MTHFD2L: variants seen among roughly 807,000 people sequenced by gnomAD.
MTHFD2L encodes methylenetetrahydrofolate dehydrogenase (NADP+ dependent) 2 like.
Under a neutral mutation model 34.9 loss-of-function variants are expected in MTHFD2L, and 29 were observed. That is an observed-to-expected ratio of 0.83 (90% CI 0.62 to 1.13). The LOEUF is 1.13. Among genes scored for constraint, MTHFD2L ranks in the 50% most tolerant of loss-of-function variants. MTHFD2L has a pLI of 0.00. For synonymous variants in MTHFD2L, 167 were observed against 155.7 expected, an observed-to-expected ratio of 1.07 and a Z score of -0.54; for missense variants, 481 against 446.5, an observed-to-expected ratio of 1.08 and a Z score of -0.70.
At chr4:74,143,668 T>G (rs1485255926) in intron 1 of MTHFD2L, among the ~76,000 whole-genome samples, 2 of 152,156 alleles carry the variant, frequency 1.3e-5, no homozygotes, top group Non-Finnish European at 2.9e-5. Flanking sequence ...CATTTAAAAG[T>G]TATCATACTA....
intron 6 of MTHFD2L, among the ~76,000 whole-genome samples, chr4:74,226,027 A>T (rs1035836831): frequency 2.0e-5 from 3 of 152,280 alleles, no homozygotes; most frequent in Non-Finnish European, 2.9e-5. Flanking sequence ...AAAAAACCCA[A>T]GCCCAAACTT....
chr4:74,225,637 G>A (rs1215062726), intron 6 of MTHFD2L, among the ~76,000 whole-genome samples: 1 of 152,142 alleles, frequency 6.6e-6, no homozygotes, highest in Non-Finnish European at 1.5e-5. Context: ...AGAACAATGT[G>A]CACTTTGCTA....
chr4:74,184,273 T>A (rs1258302391), intron 3 of MTHFD2L, among the ~76,000 whole-genome samples: 1 of 152,312 alleles, frequency 6.6e-6, no homozygotes, highest in Admixed American at 6.5e-5. Context: ...TGTATGTTGC[T>A]TACATGAAAC....
intron 5 of MTHFD2L, among the ~76,000 whole-genome samples, chr4:74,221,988 C>T (rs1738278317): frequency 6.6e-6 from 1 of 151,738 alleles, no homozygotes; most frequent in African/African-American, 2.4e-5. Context: ...TGTCTCCGAC[C>T]TGCTATTTGC....
chr4:74,265,230 T>C (rs1042845446), intron 6 of MTHFD2L, among the ~76,000 whole-genome samples: 1 of 152,198 alleles, frequency 6.6e-6, no homozygotes, highest in African/African-American at 2.4e-5. Context: ...CATTTGTTTG[T>C]AATTCAACTG....
At chr4:74,288,508 T>C (rs1472620464) in intron 7 of MTHFD2L, 2 of 152,170 alleles carry the variant, frequency 1.3e-5, no homozygotes, top group Non-Finnish European at 2.9e-5. Flanking sequence ...TGAAGACTAA[T>C]CTCTTACTTA....
chr4:74,169,992 C>A (rs915584332), intron 1 of MTHFD2L, among the ~76,000 whole-genome samples: 10 of 152,130 alleles, frequency 6.6e-5, no homozygotes, highest in Non-Finnish European at 1.3e-4. Flanking sequence ...TAGGTTTAAA[C>A]CTTCCCAGAA....
At chr4:74,286,518 C>T (rs1433076537) in intron 7 of MTHFD2L, among the ~76,000 whole-genome samples, 1 of 152,108 alleles carries the variant, frequency 6.6e-6, no homozygotes, top group African/African-American at 2.4e-5. Flanking sequence ...GTAAATAACA[C>T]ATTGGAAAAC....
rs116254552 is a variant in MTHFD2L, at chr4:74,234,810, T to G, written c.805+9416T>G. On this transcript the variant is annotated intron_variant, in intron 6 of 7. Transcript: ENST00000325278. ...GAAAAGGAGACAGTGTGTGTGTGTG[T>G]GTGTGTGTGTTTACGTGTGTAAGAG... 7.6e-3 allele frequency among the ~76,000 whole-genome samples: 1,150 copies of G among 152,052 alleles called. 6 individuals are homozygous for G. The highest frequency in any genetic ancestry group is 0.012 in the Non-Finnish European group (827 of 67,942).
chr4:74,145,076 T>C (rs963326817), intron 1 of MTHFD2L, among the ~76,000 whole-genome samples: 1 of 152,008 alleles, frequency 6.6e-6, no homozygotes, highest in African/African-American at 2.4e-5. Context: ...CGATATAATC[T>C]TGAAATAGAG....
intron 1 of MTHFD2L, among the ~76,000 whole-genome samples, chr4:74,142,232 T>C (rs1723316266): frequency 6.6e-6 from 1 of 152,208 alleles, no homozygotes; most frequent in Admixed American, 6.5e-5. Flanking sequence ...TTTTACACAT[T>C]TTAAAAAATG....
At chr4:74,121,659 A>G (rs1721768321), upstream of MTHFD2L, among the ~76,000 whole-genome samples, 1 of 145,616 alleles carries the variant, frequency 6.9e-6, no homozygotes, top group Admixed American at 7.0e-5. Flanking sequence ...ATTATATATA[A>G]TTAAATATAT....
At chr4:74,253,545 A>G (rs1195482631) in intron 6 of MTHFD2L, among the ~76,000 whole-genome samples, 6 of 152,152 alleles carry the variant, frequency 3.9e-5, no homozygotes, top group Admixed American at 3.9e-4. Flanking sequence ...TGGAAGAGGG[A>G]GAGTGAAGTG....
chr4:74,189,485 C>CTTTTTTTTTT (rs55665552), intron 3 of MTHFD2L, among the ~76,000 whole-genome samples: 8 of 119,790 alleles, frequency 6.7e-5, no homozygotes, highest in South Asian at 2.7e-4. Flanking sequence ...GTTTTTCTTC[C>CTTTTTTTTTT]TTTTTTTTTT....
intron 5 of MTHFD2L, among the ~76,000 whole-genome samples, chr4:74,208,140 TG>T (rs1027977886): frequency 2.6e-5 from 4 of 152,158 alleles, no homozygotes; most frequent in Non-Finnish European, 5.9e-5. Context: ...GAAAAGATGT[TG>T]GGGATATTAT....
intron 3 of MTHFD2L, chr4:74,194,703 A>G (rs760219927): frequency 3.3e-5 from 5 of 152,208 alleles, no homozygotes; most frequent in Non-Finnish European, 7.3e-5. Context: ...GTGTAAACCA[A>G]TCGTGGCCCA....
At position 74,175,277 on chromosome 4, in the gene MTHFD2L, C is replaced by G; in HGVS notation, c.329-4C>G. On this transcript the variant is annotated splice_region_variant and splice_polypyrimidine_tract_variant and intron_variant, in intron 2 of 7. Transcript: ENST00000325278. Reference sequence around the variant, plus strand: ...GTGACCTTCTCTACCTGTTTTTCTTCTAGGTATTTGTAGTGAGCTCATTCT... The same window carrying G: ...GTGACCTTCTCTACCTGTTTTTCTTGTAGGTATTTGTAGTGAGCTCATTCT... 1 of 1,608,846 alleles carries G rather than the reference C, an allele frequency of 6.2e-7. No homozygotes were observed. The highest frequency in any genetic ancestry group is 8.5e-7 in the Non-Finnish European group (1 of 1,178,098).
chr4:74,290,950 G>A (rs1748817275), intron 7 of MTHFD2L, among the ~76,000 whole-genome samples: 1 of 142,760 alleles, frequency 7.0e-6, no homozygotes, highest in South Asian at 2.4e-4. Context: ...TTCCTAACTA[G>A]ATTGGATGCC....
In MTHFD2L at chr4:74,301,926, G is replaced by C; in HGVS notation, c.*117G>C. 2.0e-6 allele frequency: 1 copy of C among 491,606 alleles called. No individual in the cohort carries two copies. Among genetic ancestry groups the C allele is most frequent in the Non-Finnish European group, 3.5e-6 (1 of 282,838 alleles). 30.5% of individuals were successfully genotyped at this position (491,606 alleles called of 1,614,324 possible). A position where few individuals can be genotyped will look rare whatever the true frequency, so the allele number is the denominator to read the frequency against. On this transcript the variant is annotated 3_prime_UTR_variant, in exon 8 of 8. Coordinates refer to ENST00000325278, the MANE Select transcript of MTHFD2L (RefSeq NM_001144978.3). ...TTCTACATGGTATTTATTTTTTCAT[G>C]GGTGAAATCATTGTGAATCAATTGA...
Sources: allele counts gnomAD v4.1 joint callset (sites outside exome capture counted in the v4.1 genomes callset), GRCh38; gene constraint gnomAD v4.1.1; transcripts MANE v1.5; gene names NCBI Gene and HGNC (gene_info 2026-07-23, HGNC 2026-07-21).